Variants in RTL4 observed in about 807,000 individuals in gnomAD.
The protein encoded by RTL4 is retrotransposon Gag-like protein 4.
A neutral mutation model predicts 5.3 loss-of-function variants in RTL4; 4 were observed. The ratio of observed to expected loss-of-function variants is 0.75; its 90% CI spans 0.37 to 1.72. The LOEUF (loss-of-function observed/expected upper bound fraction) is 1.72. RTL4 is among the 40% of genes most tolerant of loss of function. The probability of loss-of-function intolerance (pLI) is 0.04; values close to 1 mark genes in which losing one functional copy is unlikely to be tolerated. For synonymous variants in RTL4, 98 were observed against 87.3 expected, an observed-to-expected ratio of 1.12 and a Z score of -0.68; for missense variants, 260 against 227.1, an observed-to-expected ratio of 1.14 and a Z score of -0.93.
At chrX:112,270,314 A>G in the RTL4 span, among the ~76,000 whole-genome samples, 6 of 112,676 alleles carry the variant, frequency 5.3e-5, no homozygotes, top group Non-Finnish European at 9.4e-5. Flanking sequence ...ACTTGTAAAA[A>G]CCACAAAGCC....
the RTL4 span, among the ~76,000 whole-genome samples, chrX:112,280,598 C>T: frequency 6.6e-3 from 729 of 110,744 alleles, 8 homozygotes; most frequent in African/African-American, 0.022. Context: ...AAGCAGTCCT[C>T]CCACCTTAGC....
the RTL4 span, among the ~76,000 whole-genome samples, chrX:112,427,078 T>C: frequency 9.0e-6 from 1 of 111,452 alleles, no homozygotes; most frequent in Non-Finnish European, 1.9e-5. Context: ...AAATACTTCC[T>C]AACTCTTACA....
chrX:112,146,575 C>T, the RTL4 span, among the ~76,000 whole-genome samples: 2 of 110,183 alleles, frequency 1.8e-5, no homozygotes, highest in African/African-American at 6.6e-5. Context: ...CTGAGGCAAT[C>T]CAAAGGCTAA....
chrX:112,397,512 T>A, the RTL4 span, among the ~76,000 whole-genome samples: 30 of 111,944 alleles, frequency 2.7e-4, no homozygotes, highest in African/African-American at 9.7e-4. Context: ...CATTTTAAAA[T>A]CAGATTACCA....
the RTL4 span, among the ~76,000 whole-genome samples, chrX:112,130,282 A>G: frequency 9.6e-6 from 1 of 104,491 alleles, no homozygotes. Flanking sequence ...GATTTTTCTA[A>G]TCTTCTTATA....
the RTL4 span, among the ~76,000 whole-genome samples, chrX:112,201,707 A>AT: frequency 1.0e-4 from 11 of 110,393 alleles, no homozygotes; most frequent in Non-Finnish European, 2.1e-4. Flanking sequence ...TGAGAAATGC[A>AT]TTTTTTTTAG....
the RTL4 span, among the ~76,000 whole-genome samples, chrX:112,237,460 C>A: frequency 4.5e-5 from 5 of 112,160 alleles, no homozygotes; most frequent in Non-Finnish European, 7.5e-5. Context: ...AGCTGAATGG[C>A]CTCTGAAGGT....
the RTL4 span, among the ~76,000 whole-genome samples, chrX:112,114,130 G>A: frequency 1.7e-3 from 192 of 111,584 alleles, no homozygotes; most frequent in South Asian, 2.6e-3. Flanking sequence ...ATAGCCACTC[G>A]AGGAAGGCAG....
the RTL4 span, among the ~76,000 whole-genome samples, chrX:112,334,801 T>C: frequency 8.9e-6 from 1 of 112,012 alleles, no homozygotes. Flanking sequence ...GTTAAGTAGA[T>C]AGTTTCTAAT....
chrX:112,377,993 G>A, the RTL4 span, among the ~76,000 whole-genome samples: 1 of 111,689 alleles, frequency 9.0e-6, no homozygotes, highest in African/African-American at 3.2e-5. Flanking sequence ...TGCCCAATGT[G>A]AGTAAGATTC....
the RTL4 span, among the ~76,000 whole-genome samples, chrX:112,091,707 A>C: frequency 1.8e-5 from 2 of 110,752 alleles, no homozygotes; most frequent in African/African-American, 6.5e-5. Context: ...AATAATGTTT[A>C]TTCTGCTGTT....
chrX:112,164,840 A>T, the RTL4 span, among the ~76,000 whole-genome samples: 1 of 111,309 alleles, frequency 9.0e-6, no homozygotes, highest in Non-Finnish European at 1.9e-5. Flanking sequence ...CAATAAGCTC[A>T]CTTCCTGCCT....
chrX:112,231,572 G>T, the RTL4 span, among the ~76,000 whole-genome samples: 234 of 76,680 alleles, frequency 3.1e-3, 2 homozygotes, highest in African/African-American at 0.011. Context: ...GGACTGTTGT[G>T]GGGTGGGGGG....
At chrX:112,115,611 A>T in the RTL4 span, among the ~76,000 whole-genome samples, 13 of 111,697 alleles carry the variant, frequency 1.2e-4, no homozygotes, top group African/African-American at 4.2e-4. Context: ...TTGAGGAGGG[A>T]TCCTAAAATT....
At chrX:112,226,130 G>A in the RTL4 span, among the ~76,000 whole-genome samples, 2 of 112,082 alleles carry the variant, frequency 1.8e-5, no homozygotes, top group African/African-American at 3.2e-5. Context: ...ATAGGAAGGG[G>A]CAGAGCATTG....
At chrX:112,234,649 C>T in the RTL4 span, among the ~76,000 whole-genome samples, 7 of 111,972 alleles carry the variant, frequency 6.3e-5, no homozygotes, top group African/African-American at 2.3e-4. Flanking sequence ...ACGTGCTCCT[C>T]CCTTTCCTCT....
the RTL4 span, among the ~76,000 whole-genome samples, chrX:112,225,495 G>A: frequency 1.8e-5 from 2 of 111,571 alleles, no homozygotes; most frequent in South Asian, 7.4e-4. Flanking sequence ...GAGAAACTTG[G>A]GCAATTTTGT....
the RTL4 span, among the ~76,000 whole-genome samples, chrX:112,416,339 G>C: frequency 9.0e-6 from 1 of 111,283 alleles, no homozygotes; most frequent in East Asian, 2.8e-4. Flanking sequence ...GCTTTCTGGG[G>C]GACACAATGT....
At chrX:112,211,231 G>A in the RTL4 span, among the ~76,000 whole-genome samples, 32 of 111,779 alleles carry the variant, frequency 2.9e-4, no homozygotes, top group Non-Finnish European at 5.6e-4. Flanking sequence ...TAATTTTAAC[G>A]GTTTTTCATA....
Sources: allele counts gnomAD v4.1 joint callset (sites outside exome capture counted in the v4.1 genomes callset), GRCh38; gene constraint gnomAD v4.1.1; transcripts MANE v1.5; gene names NCBI Gene and HGNC (gene_info 2026-07-23, HGNC 2026-07-21).